The following AIG1 variants were observed in gnomAD, a reference collection of about 807,000 sequenced individuals.
AIG1 encodes androgen induced 1, also known as androgen-induced gene 1 protein.
Under a neutral mutation model 31.4 loss-of-function variants are expected in AIG1, and 23 were observed. The ratio of observed to expected loss-of-function variants is 0.73; its 90% CI spans 0.53 to 1.04. The LOEUF (loss-of-function observed/expected upper bound fraction) is 1.04, where lower values mean the gene tolerates loss of function less well. Among genes scored for constraint, AIG1 ranks in the 50% least tolerant of loss-of-function variants. AIG1 has a pLI of 0.00. For synonymous variants in AIG1, 100 were observed against 110.5 expected, an observed-to-expected ratio of 0.90 and a Z score of 0.60; for missense variants, 274 against 295.0, an observed-to-expected ratio of 0.93 and a Z score of 0.52.
intron 3 of AIG1, chr6:143,187,822 G>A (rs1789409951): frequency 2.0e-6 from 3 of 1,473,982 alleles, no homozygotes; most frequent in Non-Finnish European, 2.7e-6. Flanking sequence ...TGAAATACGG[G>A]CCTTCAAGAA....
chr6:143,185,161 A>C (rs1346157111), intron 3 of AIG1, among the ~76,000 whole-genome samples: 2 of 148,936 alleles, frequency 1.3e-5, no homozygotes, highest in African/African-American at 5.0e-5. Context: ...GTGCCACTGC[A>C]CTCCAGCCTG....
intron 1 of AIG1, among the ~76,000 whole-genome samples, chr6:143,066,968 G>A (rs112334163): frequency 0.035 from 5,383 of 152,166 alleles, 283 homozygotes; most frequent in Admixed American, 0.16. Flanking sequence ...CCAGGAGTTC[G>A]AGACCAGCCT....
intron 2 of AIG1, among the ~76,000 whole-genome samples, chr6:143,145,797 T>G (rs961907460): frequency 8.5e-5 from 13 of 152,280 alleles, no homozygotes; most frequent in African/African-American, 3.1e-4. Flanking sequence ...ACTAGTAGGA[T>G]TCTAGGTAAT....
chr6:143,315,998 A>T, intron 4 of AIG1, among the ~76,000 whole-genome samples: 1 of 152,096 alleles, frequency 6.6e-6, no homozygotes, highest in East Asian at 1.9e-4. Context: ...AAACTGATAA[A>T]TCAAGAAATA....
chr6:143,230,380 C>T (rs1331854463), intron 3 of AIG1, among the ~76,000 whole-genome samples: 3 of 150,184 alleles, frequency 2.0e-5, no homozygotes, highest in Non-Finnish European at 4.4e-5. Flanking sequence ...TTATAGCTTA[C>T]ATATTATCAT....
chr6:143,106,581 A>G (rs768471206), intron 1 of AIG1, among the ~76,000 whole-genome samples: 1 of 152,218 alleles, frequency 6.6e-6, no homozygotes, highest in Non-Finnish European at 1.5e-5. Context: ...CCAAATACAA[A>G]AAGTAGATAT....
chr6:143,287,247 A>C (rs1797748656), intron 4 of AIG1, among the ~76,000 whole-genome samples: 1 of 152,152 alleles, frequency 6.6e-6, no homozygotes, highest in Non-Finnish European at 1.5e-5. Context: ...TAAGAGTTTA[A>C]GTATCAGGAA....
At chr6:143,082,710 C>T (rs1778380247) in intron 1 of AIG1, among the ~76,000 whole-genome samples, 1 of 152,130 alleles carries the variant, frequency 6.6e-6, no homozygotes, top group East Asian at 1.9e-4. Context: ...AGGTATGCCA[C>T]GGGTTGCAAG....
chr6:143,118,047 G>A (rs1781888775), intron 1 of AIG1, among the ~76,000 whole-genome samples: 1 of 152,186 alleles, frequency 6.6e-6, no homozygotes, highest in Non-Finnish European at 1.5e-5. Context: ...CAGATATAGT[G>A]ATCTCGGCTT....
chr6:143,247,301 T>G (rs927303775), intron 3 of AIG1, among the ~76,000 whole-genome samples: 22 of 152,298 alleles, frequency 1.4e-4, no homozygotes, highest in African/African-American at 5.3e-4. Flanking sequence ...CCAGCTAATT[T>G]TTTGTATTTT....
At chr6:143,251,398 C>T (rs1011667987) in intron 3 of AIG1, among the ~76,000 whole-genome samples, 3 of 152,098 alleles carry the variant, frequency 2.0e-5, no homozygotes, top group Non-Finnish European at 4.4e-5. Flanking sequence ...TTAGAACAGC[C>T]CTAAGAAATC....
chr6:143,205,319 G>T (rs938154404), intron 3 of AIG1, among the ~76,000 whole-genome samples: 1 of 152,234 alleles, frequency 6.6e-6, no homozygotes, highest in Non-Finnish European at 1.5e-5. Context: ...AGAGCTGTAT[G>T]AGGGTGACAG....
upstream of AIG1, chr6:143,060,859 C>G (rs538178558): frequency 2.6e-6 from 3 of 1,143,510 alleles, no homozygotes; most frequent in Non-Finnish European, 2.2e-6. Context: ...CGCCCGCCCC[C>G]GCGCGCCCGG....
intron 1 of AIG1, among the ~76,000 whole-genome samples, chr6:143,070,823 A>C (rs745520610): frequency 6.6e-6 from 1 of 152,258 alleles, no homozygotes; most frequent in Admixed American, 6.5e-5. Context: ...AAGCTTCCAC[A>C]TGAATTTTAG....
At chr6:143,192,946 G>A (rs900774795) in intron 3 of AIG1, among the ~76,000 whole-genome samples, 1 of 152,136 alleles carries the variant, frequency 6.6e-6, no homozygotes, top group Non-Finnish European at 1.5e-5. Flanking sequence ...TGTCACATTT[G>A]TTCCCTAAGT....
chr6:143,071,704 G>GTTC (rs1248795053), intron 1 of AIG1, among the ~76,000 whole-genome samples: 1 of 150,784 alleles, frequency 6.6e-6, no homozygotes, highest in Admixed American at 6.6e-5. Flanking sequence ...TGTTGTTGTT[G>GTTC]TTCTTCTTCT....
At chr6:143,061,148 G>GTGTGTGTGTGT in intron 1 of AIG1, 82 bp downstream of exon 1, 2 of 1,452,122 alleles carry the variant, frequency 1.4e-6, no homozygotes, top group Middle Eastern at 1.8e-4. Flanking sequence ...GTGTGTGTGT[G>GTGTGTGTGTGT]GATGCGCGAG....
chr6:143,107,866 T>A (rs1780941067), intron 1 of AIG1, among the ~76,000 whole-genome samples: 1 of 152,224 alleles, frequency 6.6e-6, no homozygotes, highest in Non-Finnish European at 1.5e-5. Context: ...CTGTGGTTTC[T>A]TGTGTTTCTT....
At chr6:143,245,901 C>T (rs764058697) in intron 3 of AIG1, among the ~76,000 whole-genome samples, 4 of 152,064 alleles carry the variant, frequency 2.6e-5, no homozygotes, top group Non-Finnish European at 4.4e-5. Flanking sequence ...TCACAAAGAT[C>T]GGGGTTTAGG....
Sources: gnomAD v4.1 joint callset for allele counts (sites outside exome capture counted in the v4.1 genomes callset) on GRCh38, gnomAD v4.1.1 for gene constraint, MANE v1.5 for transcripts, NCBI Gene and HGNC (gene_info 2026-07-23, HGNC 2026-07-21) for gene names.